Variants in SPECC1 observed in about 807,000 individuals in gnomAD.
SPECC1 encodes the protein sperm antigen with calponin homology and coiled-coil domains 1.
Under a neutral mutation model 104.1 loss-of-function variants are expected in SPECC1, and 62 were observed. The ratio of observed to expected loss-of-function variants is 0.60; its 90% CI spans 0.49 to 0.74. The LOEUF (loss-of-function observed/expected upper bound fraction) is 0.74, where lower values mean the gene tolerates loss of function less well. Among genes scored for constraint, SPECC1 ranks in the 30% least tolerant of loss-of-function variants. The probability of loss-of-function intolerance (pLI) is 0.00; values close to 1 mark genes in which losing one functional copy is unlikely to be tolerated. For missense variants in SPECC1, 1,306 were observed against 1,310.5 expected, an observed-to-expected ratio of 1.00 and a Z score of 0.05; for synonymous variants, 513 against 501.6, an observed-to-expected ratio of 1.02 and a Z score of -0.30.
In SPECC1 at chr17:20,193,707, A is replaced by G. The variant is rs147887198; in HGVS notation, c.284-10626A>G. 2.9e-3 allele frequency among the ~76,000 whole-genome samples: 447 copies of G among 152,364 alleles called. 3 individuals carry two copies. The highest frequency in any genetic ancestry group is 0.01 in the African/African-American group (432 of 41,588). On this transcript the variant is annotated intron_variant, in intron 3 of 14. Transcript: ENST00000395527. ...TTCCTACACAAAAAGTATAACAGCA[A>G]TATATTCCACAAGAGTAAAGCAAAA...
At chr17:20,015,294 T>C (rs952431539) in intron 1 of SPECC1, among the ~76,000 whole-genome samples, 5 of 150,736 alleles carry the variant, frequency 3.3e-5, no homozygotes, top group African/African-American at 1.2e-4. Context: ...TCTTTTTTAA[T>C]TTAATTTTTT....
At chr17:20,121,414 C>T (rs1388220605) in intron 3 of SPECC1, among the ~76,000 whole-genome samples, 3 of 151,636 alleles carry the variant, frequency 2.0e-5, no homozygotes, top group East Asian at 3.9e-4. Flanking sequence ...CTCTGTTGTC[C>T]AGGCTGGAGT....
In SPECC1 at chr17:20,316,082, C is replaced by T. The variant is rs1473745890; in HGVS notation, c.*2017C>T. 13 of 232,216 alleles carry T rather than the reference C, an allele frequency of 5.6e-5. No individual in the cohort carries two copies. The Admixed American group carries it at 6.8e-4, about 12-fold the overall frequency. The allele number at this position is 232,216 out of a possible 1,614,324, so 14.4% of individuals were successfully genotyped here. On this transcript the variant is annotated 3_prime_UTR_variant, in exon 15 of 15. Transcript: ENST00000395527. The stretch of plus-strand genomic sequence containing the variant: ...GCGATGGTCATTACATCACCCATGC[C>T]TTTGTATTTAAATGAAACTCGACAC...
chr17:20,146,552 A>G (rs1463377888), intron 3 of SPECC1, among the ~76,000 whole-genome samples: 1 of 152,220 alleles, frequency 6.6e-6, no homozygotes, highest in Non-Finnish European at 1.5e-5. Context: ...TTTTCAGCTC[A>G]TTTGGGTAGA....
chr17:20,014,320 T>C (rs897813854), intron 1 of SPECC1, among the ~76,000 whole-genome samples: 2 of 152,230 alleles, frequency 1.3e-5, no homozygotes, highest in African/African-American at 4.8e-5. Flanking sequence ...AAGAATCTTA[T>C]CATGATTTTA....
At chr17:20,138,530 C>T (rs1457011331) in intron 3 of SPECC1, among the ~76,000 whole-genome samples, 2 of 152,178 alleles carry the variant, frequency 1.3e-5, no homozygotes, top group East Asian at 3.9e-4. Context: ...CCGTTCATCC[C>T]TCCCTCATCC....
At chr17:20,251,145 T>G (rs1159607062) in intron 9 of SPECC1, among the ~76,000 whole-genome samples, 7 of 145,330 alleles carry the variant, frequency 4.8e-5, no homozygotes, top group Non-Finnish European at 1.0e-4. Flanking sequence ...CAAGAATGGC[T>G]TAAATCCAGG....
At chr17:20,151,673 CAT>C (rs1371449331) in intron 3 of SPECC1, among the ~76,000 whole-genome samples, 1 of 152,172 alleles carries the variant, frequency 6.6e-6, no homozygotes, top group Non-Finnish European at 1.5e-5. Context: ...TTATCCTGTT[CAT>C]ATAACATTCA....
intron 4 of SPECC1, among the ~76,000 whole-genome samples, chr17:20,214,440 G>A (rs2037356079): frequency 6.6e-6 from 1 of 152,232 alleles, no homozygotes; most frequent in African/African-American, 2.4e-5. Flanking sequence ...AGTTAGGTGA[G>A]AAAGAATGAA....
intron 1 of SPECC1, among the ~76,000 whole-genome samples, chr17:20,093,538 C>T (rs1050954341): frequency 3.3e-5 from 5 of 152,056 alleles, no homozygotes; most frequent in African/African-American, 1.2e-4. Context: ...GAACTGGCTT[C>T]AGAGAGCCAG....
At chr17:20,163,867 TTC>T (rs1013018773) in intron 3 of SPECC1, among the ~76,000 whole-genome samples, 3 of 152,116 alleles carry the variant, frequency 2.0e-5, no homozygotes, top group African/African-American at 7.2e-5. Flanking sequence ...CCAGCCTGTA[TTC>T]TCTCTTTATA....
intron 1 of SPECC1, among the ~76,000 whole-genome samples, chr17:20,046,211 G>C (rs531445407): frequency 6.6e-6 from 1 of 152,214 alleles, no homozygotes; most frequent in African/African-American, 2.4e-5. Context: ...CTCCTGAGTA[G>C]CTGGGATTGC....
At chr17:20,123,258 CAT>C (rs2049126533) in intron 3 of SPECC1, among the ~76,000 whole-genome samples, 1 of 152,184 alleles carries the variant, frequency 6.6e-6, no homozygotes, top group Non-Finnish European at 1.5e-5. Flanking sequence ...GATCCAAAGA[CAT>C]GTCACTATTT....
chr17:20,045,539 A>G (rs920979440), intron 1 of SPECC1, among the ~76,000 whole-genome samples: 3 of 152,138 alleles, frequency 2.0e-5, no homozygotes, highest in African/African-American at 7.2e-5. Flanking sequence ...CAGATGACAT[A>G]AGGTTCTTGT....
chr17:20,161,133 C>A (rs1002577074), intron 3 of SPECC1, among the ~76,000 whole-genome samples: 1 of 152,178 alleles, frequency 6.6e-6, no homozygotes, highest in Admixed American at 6.5e-5. Context: ...ATCGCTTGAG[C>A]CCGGGAGGCG....
At position 20,308,121 on chromosome 17, in the gene SPECC1, C is replaced by T. The variant is rs373040068; in HGVS notation, c.3117+2039C>T. On this transcript the variant is annotated intron_variant, in intron 14 of 14. Transcript: ENST00000395527. ...TAACAATTCCAGCTGGGTGCAGTGG[C>T]CCACACCTGTAATCCCAGCACTTTG... 7.9e-5 allele frequency among the ~76,000 whole-genome samples: 12 copies of T among 152,158 alleles called. No individual in the cohort carries two copies. In the South Asian group the frequency reaches 2.5e-3, roughly 32 times the overall value.
chr17:20,116,691 G>T (rs996384924), intron 3 of SPECC1, among the ~76,000 whole-genome samples: 2 of 151,846 alleles, frequency 1.3e-5, no homozygotes, highest in Admixed American at 1.3e-4. Context: ...GGGAATTTGG[G>T]AGTGGAAACC....
At chr17:20,270,977 ATCTT>A (rs1319480593) in intron 12 of SPECC1, among the ~76,000 whole-genome samples, 1 of 152,170 alleles carries the variant, frequency 6.6e-6, no homozygotes, top group African/African-American at 2.4e-5. Flanking sequence ...AGTTATTTAT[ATCTT>A]TCTTCTGTGA....
At chr17:20,032,468 T>G (rs2044856271) in intron 1 of SPECC1, among the ~76,000 whole-genome samples, 1 of 152,188 alleles carries the variant, frequency 6.6e-6, no homozygotes, top group Non-Finnish European at 1.5e-5. Context: ...CTTTTTTCTT[T>G]TTATTTTTCA....
Sources: gnomAD v4.1 joint callset for allele counts (sites outside exome capture counted in the v4.1 genomes callset) on GRCh38, gnomAD v4.1.1 for gene constraint, MANE v1.5 for transcripts, NCBI Gene and HGNC (gene_info 2026-07-23, HGNC 2026-07-21) for gene names.